Variants in MAST4 observed in about 807,000 individuals in gnomAD.
MAST4 encodes microtubule associated serine/threonine kinase family member 4.
A neutral mutation model predicts 162.7 loss-of-function variants in MAST4; 89 were observed. That is an observed-to-expected ratio of 0.55 (90% CI 0.46 to 0.65). The LOEUF (loss-of-function observed/expected upper bound fraction) is 0.65, where lower values mean the gene tolerates loss of function less well. Ranked by LOEUF, MAST4 falls within the 30% of genes least tolerant of loss-of-function variation. MAST4 has a pLI of 0.00. For missense variants in MAST4, 3,153 were observed against 3,374.0 expected, an observed-to-expected ratio of 0.93 and a Z score of 1.62; for synonymous variants, 1,479 against 1,361.1, an observed-to-expected ratio of 1.09 and a Z score of -1.91.
rs557523210 is a variant in MAST4, at chr5:66,749,144, C to T, written c.364-10565C>T. 1.7e-4 allele frequency among the ~76,000 whole-genome samples: 26 copies of T among 151,730 alleles called. 1 individual carries two copies. Among genetic ancestry groups the T allele is most frequent in the Non-Finnish European group, 2.6e-4 (18 of 67,926 alleles). Reference sequence around the variant, plus strand: ...AGGGAGACTTGAGCTGAGCCTAGGGCGATAGTGACATTTATCAGTATCACT... The same window carrying T: ...AGGGAGACTTGAGCTGAGCCTAGGGTGATAGTGACATTTATCAGTATCACT... On this transcript the variant is annotated intron_variant, in intron 1 of 28. Coordinates refer to ENST00000403625, the MANE Select transcript of MAST4 (RefSeq NM_001164664.2).
At chr5:66,971,287 C>CA (rs1294856688) in intron 4 of MAST4, among the ~76,000 whole-genome samples, 7 of 151,944 alleles carry the variant, frequency 4.6e-5, no homozygotes, top group Non-Finnish European at 7.4e-5. Flanking sequence ...CTAGGTGATG[C>CA]AAAAAAAGGT....
At chr5:66,969,722 T>G (rs1010714203) in intron 4 of MAST4, among the ~76,000 whole-genome samples, 7 of 152,202 alleles carry the variant, frequency 4.6e-5, no homozygotes, top group Non-Finnish European at 7.3e-5. Context: ...CATGGCAGTA[T>G]GTTGTGATTT....
intron 2 of MAST4, among the ~76,000 whole-genome samples, chr5:66,771,827 T>A (rs1244174661): frequency 6.6e-6 from 1 of 152,130 alleles, no homozygotes; most frequent in Non-Finnish European, 1.5e-5. Context: ...TCCTTTTTCT[T>A]TCTACTGCTT....
chr5:66,699,372 T>C (rs1749617473), intron 1 of MAST4, among the ~76,000 whole-genome samples: 1 of 152,228 alleles, frequency 6.6e-6, no homozygotes, highest in Non-Finnish European at 1.5e-5. Flanking sequence ...TATTTTATTT[T>C]TTCTCCAGAG....
At chr5:66,797,746 T>A (rs1006212378) in intron 3 of MAST4, among the ~76,000 whole-genome samples, 1 of 152,184 alleles carries the variant, frequency 6.6e-6, no homozygotes, top group African/African-American at 2.4e-5. Context: ...TTGAACTGAA[T>A]GTTAAACGTT....
chr5:66,996,729 C>T (rs1750694690), intron 4 of MAST4, among the ~76,000 whole-genome samples: 1 of 152,210 alleles, frequency 6.6e-6, no homozygotes, highest in Non-Finnish European at 1.5e-5. Flanking sequence ...TTCAGTGCCA[C>T]ATTGCTGCCT....
At chr5:66,726,274 T>G (rs1306206444) in intron 1 of MAST4, among the ~76,000 whole-genome samples, 1 of 151,954 alleles carries the variant, frequency 6.6e-6, no homozygotes, top group Non-Finnish European at 1.5e-5. Flanking sequence ...CTAATTTTCT[T>G]GGGGGCAGGA....
At chr5:67,119,301 G>A (rs576906972) in intron 13 of MAST4, among the ~76,000 whole-genome samples, 10 of 152,214 alleles carry the variant, frequency 6.6e-5, no homozygotes, top group Admixed American at 1.3e-4. Flanking sequence ...GGAGGAGGAG[G>A]GAAGGGTGAC....
At chr5:66,723,546 T>G (rs531074382) in intron 1 of MAST4, among the ~76,000 whole-genome samples, 2 of 152,196 alleles carry the variant, frequency 1.3e-5, no homozygotes, top group Non-Finnish European at 2.9e-5. Context: ...ATGAGAAAGA[T>G]GCTAATTATT....
chr5:66,604,545 G>A (rs142410106), intron 1 of MAST4, among the ~76,000 whole-genome samples: 9 of 152,278 alleles, frequency 5.9e-5, no homozygotes, highest in East Asian at 1.9e-4. Flanking sequence ...GTGCTTTTGC[G>A]GTGTTTTCAG....
intron 4 of MAST4, among the ~76,000 whole-genome samples, chr5:67,016,413 T>G (rs749498258): frequency 1.3e-5 from 2 of 152,224 alleles, no homozygotes; most frequent in Non-Finnish European, 2.9e-5. Flanking sequence ...TTTAGTACCT[T>G]TTTAATTTTA....
intron 4 of MAST4, among the ~76,000 whole-genome samples, chr5:67,016,070 T>A (rs538516610): frequency 6.6e-6 from 1 of 152,200 alleles, no homozygotes. Context: ...TAGCTCAATC[T>A]AGTGGGCTTT....
At chr5:66,744,837 G>A (rs906271026) in intron 1 of MAST4, among the ~76,000 whole-genome samples, 1 of 152,102 alleles carries the variant, frequency 6.6e-6, no homozygotes, top group Non-Finnish European at 1.5e-5. Flanking sequence ...GATTTGAGTG[G>A]GGATACAGAC....
Position 67,072,731 on chromosome 5 carries a change from T to C in MAST4, c.764-17431T>C, listed in dbSNP as rs577222308. ...ATTACCAACTATGACAAGTAAGAAATGATAGTGGGAGAAAGGAGTGATATT... is the reference window on the plus strand; with the variant it reads ...ATTACCAACTATGACAAGTAAGAAACGATAGTGGGAGAAAGGAGTGATATT... On this transcript the variant is annotated intron_variant, in intron 5 of 28. Transcript: ENST00000403625. 1.1e-3 allele frequency among the ~76,000 whole-genome samples: 175 copies of C among 152,276 alleles called. 1 individual carries two copies. The highest frequency in any genetic ancestry group is 4.0e-3 in the African/African-American group (165 of 41,554).
At chr5:66,734,535 G>C (rs1043997184) in intron 1 of MAST4, among the ~76,000 whole-genome samples, 2 of 152,168 alleles carry the variant, frequency 1.3e-5, no homozygotes, top group African/African-American at 4.8e-5. Context: ...ATGTATCTGT[G>C]AATCTGTATA....
Position 67,078,931 on chromosome 5 carries a change from T to TAAATAA in MAST4, c.764-11230_764-11229insAATAAA, listed in dbSNP as rs1561622553. Among the ~76,000 whole-genome samples the TAAATAA allele has an allele frequency of 7.0e-5, 5 of 71,292 alleles. No individual in the cohort carries two copies. In the South Asian group the frequency reaches 1.3e-3, roughly 19 times the overall value. 46.8% of individuals were successfully genotyped at this position (71,292 alleles called of 152,430 possible). On this transcript the variant is annotated intron_variant, in intron 5 of 28. Transcript: ENST00000403625. The stretch of plus-strand genomic sequence containing the variant: ...ATATAAATATATATATATATATATA[T>TAAATAA]ATATATATATATATATATATGGCAA...
chr5:66,744,692 C>T (rs1752652385), intron 1 of MAST4, among the ~76,000 whole-genome samples: 1 of 152,088 alleles, frequency 6.6e-6, no homozygotes, highest in Non-Finnish European at 1.5e-5. Flanking sequence ...AACCAGATCT[C>T]AGGATAACTC....
chr5:66,747,183 C>T (rs142862730), intron 1 of MAST4, among the ~76,000 whole-genome samples: 154 of 151,548 alleles, frequency 1.0e-3, no homozygotes, highest in African/African-American at 3.3e-3. Context: ...TTGACAGTCA[C>T]GAGATAGCAG....
Position 67,015,610 on chromosome 5 carries a change from G to A in MAST4, c.675-38794G>A, listed in dbSNP as rs187919889. Among the ~76,000 whole-genome samples, 4 of 152,316 alleles carry A rather than the reference G, an allele frequency of 2.6e-5. No individual in the cohort carries two copies. In the East Asian group the frequency reaches 7.7e-4, roughly 29 times the overall value. On this transcript the variant is annotated intron_variant, in intron 4 of 28. Coordinates refer to ENST00000403625, the MANE Select transcript of MAST4 (RefSeq NM_001164664.2). The stretch of plus-strand genomic sequence containing the variant: ...ATTATCTTAGGGATTGGACTGGGAG[G>A]GAGTAGTTCCGAGTCCCGAAGGCTA...
Sources: gnomAD v4.1 joint callset for allele counts (sites outside exome capture counted in the v4.1 genomes callset) on GRCh38, gnomAD v4.1.1 for gene constraint, MANE v1.5 for transcripts, NCBI Gene and HGNC (gene_info 2026-07-23, HGNC 2026-07-21) for gene names.